DIS3L2: variants seen among roughly 807,000 people sequenced by gnomAD.
DIS3L2 encodes DIS3-like exonuclease 2.
In DIS3L2, 34 loss-of-function variants were observed where a neutral mutation model predicts 97.5. The observed-to-expected ratio is 0.35, with a 90% CI of 0.27 to 0.46. The LOEUF is 0.46. DIS3L2 is among the 20% of genes least tolerant of loss of function. DIS3L2 has a pLI of 1.00. For synonymous variants in DIS3L2, 435 were observed against 445.2 expected (o/e 0.98, Z 0.29); for missense variants, 1,038 against 1,146.0 (o/e 0.91, Z 1.36).
At chr2:232,233,070 T>G (rs1333695526) in intron 10 of DIS3L2, among the ~76,000 whole-genome samples, 1 of 152,164 alleles carries the variant, frequency 6.6e-6, no homozygotes. Flanking sequence ...TACAAAGGTT[T>G]GGATTCAGTG....
chr2:232,214,443 A>G lies in DIS3L2; in HGVS notation c.1204+4038A>G, dbSNP rs113283580. 1.3e-4 allele frequency among the ~76,000 whole-genome samples: 20 copies of G among 152,258 alleles called. 2 individuals carry two copies. The highest frequency in any genetic ancestry group is 4.6e-4 in the African/African-American group (19 of 41,554). ...TCCCATTTATGCCTCTCGGGCCCCT[A>G]TAGAACAAATCTAGTGTCTCATTTG... On this transcript the variant is annotated intron_variant, in intron 10 of 20. Coordinates refer to ENST00000325385, the MANE Select transcript of DIS3L2 (RefSeq NM_152383.5).
At chr2:232,216,011 C>T (rs375575299) in intron 10 of DIS3L2, among the ~76,000 whole-genome samples, 2 of 152,300 alleles carry the variant, frequency 1.3e-5, no homozygotes, top group African/African-American at 2.4e-5. Flanking sequence ...GCCCTGCTTC[C>T]TCCTCTTGCT....
At chr2:231,985,950 A>G (rs1420096838) in intron 1 of DIS3L2, among the ~76,000 whole-genome samples, 1 of 152,158 alleles carries the variant, frequency 6.6e-6, no homozygotes, top group African/African-American at 2.4e-5. Context: ...ACACCATCCA[A>G]TTGGCTGCCA....
chr2:231,973,721 A>G (rs1032109461), intron 1 of DIS3L2, among the ~76,000 whole-genome samples: 1 of 152,120 alleles, frequency 6.6e-6, no homozygotes, highest in Non-Finnish European at 1.5e-5. Flanking sequence ...TGATTATTAC[A>G]AGCTGCAACT....
At chr2:232,123,322 C>A (rs952096209) in intron 6 of DIS3L2, among the ~76,000 whole-genome samples, 1 of 151,918 alleles carries the variant, frequency 6.6e-6, no homozygotes, top group Non-Finnish European at 1.5e-5. Flanking sequence ...GAAAAAAAAA[C>A]CCTAAGATAA....
chr2:232,107,807 T>G, intron 6 of DIS3L2, among the ~76,000 whole-genome samples: 1 of 152,012 alleles, frequency 6.6e-6, no homozygotes, highest in Middle Eastern at 3.4e-3. Context: ...CTAGAAGAAA[T>G]AGATAAATTC....
At chr2:232,307,257 T>G (rs1389925035) in intron 14 of DIS3L2, among the ~76,000 whole-genome samples, 2 of 152,220 alleles carry the variant, frequency 1.3e-5, no homozygotes, top group African/African-American at 4.8e-5. Context: ...TAATGCTTGA[T>G]GAAGGGAAGG....
Position 232,329,802 on chromosome 2 carries a change from A to ACCCCCCC in DIS3L2, c.1740-8_1740-7insCCCCCCC. ...CCCAGCGGTCCCTCCCATCCCACCC[A>ACCCCCCC]CCCTCTGCAGGCTCGTGGAGGAGTT... On this transcript the variant is annotated splice_polypyrimidine_tract_variant and intron_variant, in intron 14 of 20. Transcript: ENST00000325385. 6.1e-6 allele frequency: 1 copy of ACCCCCCC among 164,732 alleles called. No homozygotes were observed. The highest frequency in any genetic ancestry group is 1.1e-5 in the Non-Finnish European group (1 of 91,860). 10.2% of individuals were successfully genotyped at this position (164,732 alleles called of 1,614,324 possible).
chr2:232,085,387 C>CTG (rs1696543876), intron 5 of DIS3L2, among the ~76,000 whole-genome samples: 1 of 152,200 alleles, frequency 6.6e-6, no homozygotes, highest in Non-Finnish European at 1.5e-5. Flanking sequence ...AATTGTTCAT[C>CTG]ATTTGTCACC....
intron 1 of DIS3L2, among the ~76,000 whole-genome samples, chr2:231,968,397 A>G (rs1692790832): frequency 6.6e-6 from 1 of 152,140 alleles, no homozygotes; most frequent in Admixed American, 6.6e-5. Flanking sequence ...GCTTGGCCTA[A>G]CTGATGTTTT....
chr2:232,163,009 TAGATAA>T (rs1450866971), intron 8 of DIS3L2, among the ~76,000 whole-genome samples: 1 of 152,230 alleles, frequency 6.6e-6, no homozygotes, highest in Non-Finnish European at 1.5e-5. Flanking sequence ...CTTTTGTGTT[TAGATAA>T]AATATTTTAA....
At chr2:232,343,210 A>G in intron 13 of DIS3L2, 2 of 744,914 alleles carry the variant, frequency 2.7e-6, no homozygotes, top group Non-Finnish European at 2.3e-6. Context: ...TTCCTGTCAC[A>G]AAAAGGCCAT....
chr2:232,216,342 A>C (rs1461497224), intron 10 of DIS3L2, among the ~76,000 whole-genome samples: 2 of 152,088 alleles, frequency 1.3e-5, no homozygotes, highest in Admixed American at 6.5e-5. Flanking sequence ...CTTGGCTCTA[A>C]ATGTGGGCTT....
intron 9 of DIS3L2, among the ~76,000 whole-genome samples, chr2:232,193,874 C>A (rs142919011): frequency 0.027 from 4,172 of 152,174 alleles, 173 homozygotes; most frequent in African/African-American, 0.094. Context: ...TTTGGGAGGC[C>A]AAGGCAGGCG....
intron 9 of DIS3L2, among the ~76,000 whole-genome samples, chr2:232,201,290 A>G (rs959453024): frequency 7.2e-5 from 11 of 152,228 alleles, no homozygotes; most frequent in African/African-American, 2.7e-4. Context: ...AATGTTCACC[A>G]TGAATCTAGT....
At chr2:232,065,372 A>G (rs1458229437) in intron 5 of DIS3L2, among the ~76,000 whole-genome samples, 1 of 151,880 alleles carries the variant, frequency 6.6e-6, no homozygotes, top group Non-Finnish European at 1.5e-5. Flanking sequence ...TCTATTGTCC[A>G]TTTCAAGTTA....
chr2:232,336,161 G>C lies in DIS3L2; in HGVS notation c.2496+287G>C, dbSNP rs1453611810. ...TCTAGGGTCCTTTAGAGAACCTGAT[G>C]AAAGCTATGAGTTTACACCCAAGAA... is the stretch of plus-strand genomic sequence containing the variant. On this transcript the variant is annotated intron_variant, in intron 20 of 20. Coordinates refer to ENST00000325385, the MANE Select transcript of DIS3L2 (RefSeq NM_152383.5). 5.9e-6 allele frequency: 9 copies of C among 1,533,642 alleles called. No homozygotes were observed. In the African/African-American group the frequency reaches 6.9e-5, roughly 12 times the overall value.
At chr2:232,329,465 G>C (rs1486817825) in intron 14 of DIS3L2, 1 of 258,352 alleles carries the variant, frequency 3.9e-6, no homozygotes, top group African/African-American at 2.2e-5. Context: ...TCTTTCCTCG[G>C]TGCCTTCTCT....
At chr2:232,314,848 A>G (rs950832642) in intron 14 of DIS3L2, among the ~76,000 whole-genome samples, 4 of 152,164 alleles carry the variant, frequency 2.6e-5, no homozygotes, top group African/African-American at 9.7e-5. Context: ...ATAGCACATG[A>G]AGATGTGTTC....
Sources: gnomAD v4.1 joint callset for allele counts (sites outside exome capture counted in the v4.1 genomes callset) on GRCh38, gnomAD v4.1.1 for gene constraint, MANE v1.5 for transcripts, NCBI Gene and HGNC (gene_info 2026-07-23, HGNC 2026-07-21) for gene names.